Variants in CFAP161 observed in about 807,000 individuals in gnomAD.
CFAP161 encodes the protein cilia- and flagella-associated protein 161.
Under a neutral mutation model 29.0 loss-of-function variants are expected in CFAP161, and 25 were observed. That is an observed-to-expected ratio of 0.86 (90% CI 0.63 to 1.20). CFAP161 has a LOEUF of 1.20. Ranked by LOEUF, CFAP161 falls within the 50% of genes most tolerant of loss-of-function variation. The pLI is 0.00. For synonymous variants in CFAP161, 116 were observed against 137.4 expected, an observed-to-expected ratio of 0.84 and a Z score of 1.09; for missense variants, 367 against 371.9, an observed-to-expected ratio of 0.99 and a Z score of 0.11.
intron 4 of CFAP161, among the ~76,000 whole-genome samples, chr15:81,140,678 C>T (rs762985782): frequency 5.3e-5 from 8 of 152,018 alleles, no homozygotes; most frequent in African/African-American, 9.7e-5. Flanking sequence ...CCTGCCTCAG[C>T]CTCCTGAGTA....
chr15:81,118,680 A>C (rs1252725993), intron 1 of CFAP161, among the ~76,000 whole-genome samples: 1 of 152,250 alleles, frequency 6.6e-6, no homozygotes, highest in Non-Finnish European at 1.5e-5. Flanking sequence ...CGAGGGCCGC[A>C]CCGGGCTGTA....
chr15:81,141,162 A>G (rs535110724), intron 4 of CFAP161, among the ~76,000 whole-genome samples: 2 of 152,200 alleles, frequency 1.3e-5, no homozygotes, highest in African/African-American at 2.4e-5. Flanking sequence ...TGCCATATTT[A>G]TTCTTCTGAG....
At chr15:81,141,877 G>T (rs1331015078) in intron 4 of CFAP161, among the ~76,000 whole-genome samples, 1 of 152,010 alleles carries the variant, frequency 6.6e-6, no homozygotes, top group Non-Finnish European at 1.5e-5. Context: ...TAGAGACAGG[G>T]TTTCACCATG....
At chr15:81,116,361 T>G (rs1313754728) in intron 1 of CFAP161, among the ~76,000 whole-genome samples, 1 of 152,232 alleles carries the variant, frequency 6.6e-6, no homozygotes, top group Non-Finnish European at 1.5e-5. Flanking sequence ...TGGCACAATC[T>G]TGGCTCACTG....
At chr15:81,105,854 A>C (rs1367840274) in intron 1 of CFAP161, among the ~76,000 whole-genome samples, 1 of 152,224 alleles carries the variant, frequency 6.6e-6, no homozygotes, top group Non-Finnish European at 1.5e-5. Context: ...ACTGTACTAC[A>C]GATGGTCCCA....
intron 5 of CFAP161, among the ~76,000 whole-genome samples, chr15:81,146,241 C>T (rs1895003778): frequency 6.6e-6 from 1 of 152,154 alleles, no homozygotes; most frequent in African/African-American, 2.4e-5. Flanking sequence ...GATGGCAGGG[C>T]TGCCTTTTCT....
At chr15:81,103,956 A>G (rs572877102) in intron 1 of CFAP161, among the ~76,000 whole-genome samples, 1 of 127,092 alleles carries the variant, frequency 7.9e-6, no homozygotes, top group Non-Finnish European at 1.9e-5. Flanking sequence ...GTCCTCTTCT[A>G]TGTTGATGGT....
upstream of CFAP161, among the ~76,000 whole-genome samples, chr15:81,133,176 CATATATATATAT>C (rs141326043): frequency 5.6e-4 from 34 of 60,988 alleles, 1 homozygote; most frequent in South Asian, 5.7e-3. Context: ...CCTTCATCAG[CATATATATATAT>C]ATATATATAT....
At chr15:81,135,227 C>CCG in intron 1 of CFAP161, 43 bp from the exon 2 acceptor site, 1 of 1,237,960 alleles carries the variant, frequency 8.1e-7, no homozygotes. Context: ...TTAATACTAA[C>CCG]ATCTATATTA....
chr15:81,110,710 A>G (rs1894428992), intron 1 of CFAP161, among the ~76,000 whole-genome samples: 1 of 152,200 alleles, frequency 6.6e-6, no homozygotes, highest in African/African-American at 2.4e-5. Flanking sequence ...ATAAGCAGGC[A>G]TATTACCCAA....
At chr15:81,133,119 C>A (rs1223296397), upstream of CFAP161, among the ~76,000 whole-genome samples, 1 of 148,120 alleles carries the variant, frequency 6.8e-6, no homozygotes, top group Non-Finnish European at 1.5e-5. Context: ...ATCCAATTCC[C>A]ATTCTCACAG....
At chr15:81,130,847 G>T (rs1346365974), upstream of CFAP161, among the ~76,000 whole-genome samples, 3 of 152,108 alleles carry the variant, frequency 2.0e-5, no homozygotes, top group African/African-American at 7.2e-5. Context: ...CTGAGGAGAG[G>T]GAGAGAGATG....
At chr15:81,099,971 A>G (rs1299843971) in intron 1 of CFAP161, among the ~76,000 whole-genome samples, 3 of 152,162 alleles carry the variant, frequency 2.0e-5, no homozygotes, top group Non-Finnish European at 4.4e-5. Context: ...TCACCTATAA[A>G]ATAGGAATGA....
At position 81,137,722 on chromosome 15, in the gene CFAP161, C is replaced by A. The variant is rs140177638; in HGVS notation, c.393-329C>A. On this transcript the variant is annotated intron_variant, in intron 3 of 6. Transcript: ENST00000286732. Reference sequence around the variant, plus strand: ...TATTAAATGTCTACAAATGTGTTACCTTGGTTCTCTCTGAACATGTCAATG... The same window carrying A: ...TATTAAATGTCTACAAATGTGTTACATTGGTTCTCTCTGAACATGTCAATG... Among the ~76,000 whole-genome samples, 774 of 152,266 alleles carry A rather than the reference C, an allele frequency of 5.1e-3. 4 individuals are homozygous for A. The highest frequency in any genetic ancestry group is 0.018 in the African/African-American group (738 of 41,552).
intron 1 of CFAP161, among the ~76,000 whole-genome samples, chr15:81,120,236 G>A (rs1894554917): frequency 6.6e-6 from 1 of 152,182 alleles, no homozygotes; most frequent in South Asian, 2.1e-4. Context: ...CCTGGATTAT[G>A]ACTGTATGCT....
At chr15:81,117,129 T>G (rs1389633988) in intron 1 of CFAP161, among the ~76,000 whole-genome samples, 2 of 152,158 alleles carry the variant, frequency 1.3e-5, no homozygotes, top group Non-Finnish European at 2.9e-5. Flanking sequence ...AAGCCAGGCA[T>G]TTTCTGCACA....
chr15:81,140,339 A>G (rs556674882), intron 4 of CFAP161, among the ~76,000 whole-genome samples: 1 of 152,314 alleles, frequency 6.6e-6, no homozygotes, highest in Admixed American at 6.5e-5. Context: ...TACATTTATT[A>G]TTTAATCAAC....
At chr15:81,138,179 G>C (rs760073093) in intron 4 of CFAP161, 44 bp downstream of exon 4, 1 of 1,491,644 alleles carries the variant, frequency 6.7e-7, no homozygotes, top group Non-Finnish European at 9.4e-7. Context: ...AGTCATTTCT[G>C]TTGCCCAAAA....
Position 81,144,883 on chromosome 15 carries a change from C to T in CFAP161, c.636+1063C>T, listed in dbSNP as rs187624175. Reference sequence around the variant, plus strand: ...TAGTCAATGCAGTGGTCCTGCAGGACGGCATCATTCTCATTATCACTGTGC... The same window carrying T: ...TAGTCAATGCAGTGGTCCTGCAGGATGGCATCATTCTCATTATCACTGTGC... On this transcript the variant is annotated intron_variant, in intron 5 of 6. Transcript: ENST00000286732. 3.3e-5 allele frequency among the ~76,000 whole-genome samples: 5 copies of T among 152,130 alleles called. No individual in the cohort carries two copies. The East Asian group carries it at 9.7e-4, about 29-fold the overall frequency.
Sources: gnomAD v4.1 joint callset for allele counts (sites outside exome capture counted in the v4.1 genomes callset) on GRCh38, gnomAD v4.1.1 for gene constraint, MANE v1.5 for transcripts, NCBI Gene and HGNC (gene_info 2026-07-23, HGNC 2026-07-21) for gene names.